Variants in RNMT observed in about 807,000 individuals in gnomAD.
RNMT encodes the protein mRNA cap guanine-N(7) methyltransferase.
RNMT carries 27 observed loss-of-function variants against 56.0 expected under a neutral mutation model. The observed-to-expected ratio is 0.48, with a 90% confidence interval of 0.36 to 0.67. RNMT has a LOEUF of 0.67. Ranked by LOEUF, RNMT falls within the 30% of genes least tolerant of loss-of-function variation. The pLI, the probability that RNMT is intolerant of heterozygous loss-of-function variation, is 0.00. For synonymous variants in RNMT, 184 were observed against 176.2 expected (o/e 1.04, Z -0.35); for missense variants, 519 against 552.1 (o/e 0.94, Z 0.60).
intron 5 of RNMT, 115 bp downstream of exon 5, chr18:13,737,250 A>T (rs55879025): frequency 1.3e-5 from 12 of 948,324 alleles, no homozygotes; most frequent in East Asian, 8.3e-5. Flanking sequence ...GGTTTTTTTT[A>T]AATTAATTAC....
chr18:13,729,995 G>T (rs1000960071), intron 1 of RNMT, among the ~76,000 whole-genome samples: 1 of 152,048 alleles, frequency 6.6e-6, no homozygotes, highest in African/African-American at 2.4e-5. Flanking sequence ...TTGCCATGTT[G>T]CCCAACCTGG....
Position 13,731,710 on chromosome 18 carries a change from G to A in RNMT, c.193G>A (p.Asp65Asn). Residue 65 changes from aspartate (D) to asparagine (N), a missense_variant, in exon 3 of 12, where the codon GAT becomes AAT. Transcript: ENST00000383314. ...IARKRKEFED[D>N]LVKESSSCGK... ...AAGAAAGAGAAAAGAGTTTGAAGAT[G>A]ATCTTGTAAAGGAAAGTTCTAGTTG... The A allele has an allele frequency of 6.2e-7, 1 of 1,613,414 alleles. No individual in the cohort carries two copies. The highest frequency in any genetic ancestry group is 8.5e-7 in the Non-Finnish European group (1 of 1,179,864).
chr18:13,741,447 TAA>T, intron 6 of RNMT, 61 bp from the exon 7 acceptor site: 1 of 1,163,800 alleles, frequency 8.6e-7, no homozygotes, highest in Admixed American at 2.1e-5. Flanking sequence ...GTTAATTTAC[TAA>T]AAAGTTTTTA....
chr18:13,747,353 A>G (rs2044369510), intron 9 of RNMT, among the ~76,000 whole-genome samples: 1 of 151,840 alleles, frequency 6.6e-6, no homozygotes, highest in South Asian at 2.1e-4. Context: ...TGAGTAACTG[A>G]CTACAAGCGT....
At chr18:13,750,101 G>A (rs2044416845) in intron 9 of RNMT, among the ~76,000 whole-genome samples, 1 of 152,010 alleles carries the variant, frequency 6.6e-6, no homozygotes, top group Admixed American at 6.6e-5. Context: ...TACTATAAAG[G>A]GATATCACTT....
intron 11 of RNMT, among the ~76,000 whole-genome samples, chr18:13,759,177 A>G (rs1320961437): frequency 6.6e-6 from 1 of 152,208 alleles, no homozygotes; most frequent in Admixed American, 6.5e-5. Flanking sequence ...CGAAGCGAGC[A>G]TGTGCTGTTG....
Position 13,737,025 on chromosome 18 carries a change from A to C in RNMT, c.569A>C (p.Lys190Thr). 1 of 1,613,194 alleles carries C rather than the reference A, an allele frequency of 6.2e-7. No homozygotes were observed. The highest frequency in any genetic ancestry group is 2.2e-5 in the East Asian group (1 of 44,832). The change falls in exon 5 of 12, where the codon AAG (lysine) becomes ACG (threonine). Residue 190 changes from lysine (K) to threonine (T), a missense_variant. Lys to Thr is a moderately conservative substitution (Grantham distance 78, BLOSUM62 -1). Transcript: ENST00000383314. ...TCTCTTTTAGGAGAATTTTTGGAAA[A>C]GGTACGACAGAAGAAAAAACGTGAT... ...KSVLIGEFLE[K>T]VRQKKKRDIT...
At chr18:13,744,156 C>CTTTTTT (rs1555794897) in intron 8 of RNMT, among the ~76,000 whole-genome samples, 8 of 25,972 alleles carry the variant, frequency 3.1e-4, no homozygotes, top group African/African-American at 1.0e-3. Flanking sequence ...ACCTAGCGGT[C>CTTTTTT]TTCTTTTTTT....
chr18:13,734,745 G>A (rs2044130939), intron 4 of RNMT, 146 bp downstream of exon 4: 2 of 657,876 alleles, frequency 3.0e-6, no homozygotes, highest in Non-Finnish European at 2.4e-6. Context: ...AGATTTTAAT[G>A]AGTGTTTAAT....
Position 13,733,480 on chromosome 18 carries a change from C to G in RNMT, c.418-984C>G, listed in dbSNP as rs183276399. ...GCAACCTCCACCTCCTGGGTTCAAG[C>G]GATTCTCCTGCCTCAGCCTCCTGAG... On this transcript the variant is annotated intron_variant, in intron 3 of 11. Coordinates refer to ENST00000383314, the MANE Select transcript of RNMT (RefSeq NM_003799.3). 3.6e-3 allele frequency among the ~76,000 whole-genome samples: 542 copies of G among 152,172 alleles called. 5 individuals carry two copies. Among genetic ancestry groups the G allele is most frequent in the Non-Finnish European group, 5.8e-3 (394 of 67,978 alleles).
chr18:13,755,688 C>T (rs193235812), intron 11 of RNMT, among the ~76,000 whole-genome samples: 1 of 152,254 alleles, frequency 6.6e-6, no homozygotes, highest in Admixed American at 6.5e-5. Context: ...TATACACATA[C>T]GATCATGCTT....
intron 5 of RNMT, among the ~76,000 whole-genome samples, 157 bp downstream of exon 5, chr18:13,737,292 A>G (rs1026541603): frequency 9.2e-5 from 14 of 152,142 alleles, no homozygotes; most frequent in Non-Finnish European, 1.8e-4. Context: ...CCTGTAATCC[A>G]ACATTTTGGA....
chr18:13,748,582 T>C (rs2149099368), intron 9 of RNMT, among the ~76,000 whole-genome samples: 1 of 152,284 alleles, frequency 6.6e-6, no homozygotes, highest in Non-Finnish European at 1.5e-5. Flanking sequence ...AGCATCCAGC[T>C]TTTATCTGGG....
chr18:13,757,458 G>A (rs867389750), intron 11 of RNMT, among the ~76,000 whole-genome samples: 3 of 152,070 alleles, frequency 2.0e-5, no homozygotes, highest in Admixed American at 6.6e-5. Flanking sequence ...ATTAATATTC[G>A]AAATCCTTGT....
rs1246130395 is a variant in RNMT at position 13,763,528 on chromosome 18, G to A, written c.*3549G>A. On this transcript the variant is annotated 3_prime_UTR_variant, in exon 12 of 12. Transcript: ENST00000383314. ...CTTCTCCTGGGTTGTGCTTTTTTGG[G>A]GGCAACATACCTTGGACAAAGCTGA... 6.2e-6 allele frequency: 1 copy of A among 161,956 alleles called. No individual in the cohort carries two copies. Among genetic ancestry groups the A allele is most frequent in the Non-Finnish European group, 1.4e-5 (1 of 73,338 alleles). The allele number at this position is 161,956 out of a possible 1,614,324, so 10.0% of individuals were successfully genotyped here. A position where few individuals can be genotyped will look rare whatever the true frequency, so the allele number is the denominator to read the frequency against.
intron 9 of RNMT, among the ~76,000 whole-genome samples, chr18:13,751,428 C>T (rs573655922): frequency 1.4e-4 from 22 of 152,286 alleles, no homozygotes; most frequent in East Asian, 3.9e-4. Flanking sequence ...TACCATCTCA[C>T]GCCAGTTAGA....
At chr18:13,741,715 G>T in intron 7 of RNMT, 24 bp downstream of exon 7, 1 of 1,494,660 alleles carries the variant, frequency 6.7e-7, no homozygotes, top group Non-Finnish European at 9.1e-7. Flanking sequence ...AATATATTGT[G>T]GTTTATAAAA....
intron 4 of RNMT, among the ~76,000 whole-genome samples, chr18:13,735,432 T>A (rs1363678892): frequency 1.3e-5 from 2 of 152,056 alleles, no homozygotes; most frequent in Non-Finnish European, 2.9e-5. Flanking sequence ...GTTTTTAACA[T>A]TCATGTTCTG....
chr18:13,760,057 T>C lies in RNMT; in HGVS notation c.*78T>C, dbSNP rs888990032. On this transcript the variant is annotated 3_prime_UTR_variant, in exon 12 of 12. Coordinates refer to ENST00000383314, the MANE Select transcript of RNMT (RefSeq NM_003799.3). ...ACAACTCATCTCGATATATTTGATATTTCTCTGTCTGTTGATTTTAATTCT... is the reference window on the plus strand; with the variant it reads ...ACAACTCATCTCGATATATTTGATACTTCTCTGTCTGTTGATTTTAATTCT... The C allele has an allele frequency of 5.0e-5, 77 of 1,552,128 alleles. No individual in the cohort carries two copies. The Middle Eastern group carries it at 5.1e-4, about 10-fold the overall frequency.
Sources: allele counts gnomAD v4.1 joint callset (sites outside exome capture counted in the v4.1 genomes callset), GRCh38; gene constraint gnomAD v4.1.1; transcripts MANE v1.5; gene names NCBI Gene and HGNC (gene_info 2026-07-23, HGNC 2026-07-21).